Variants in EGFR observed in about 807,000 individuals in gnomAD.
The protein encoded by EGFR is epidermal growth factor receptor.
EGFR carries 58 observed loss-of-function variants against 143.0 expected under a neutral mutation model. That is an observed-to-expected ratio of 0.41 (90% confidence interval 0.33 to 0.50). EGFR has a LOEUF of 0.50. EGFR is among the 20% of genes least tolerant of loss of function. EGFR has a pLI of 0.39. For missense variants in EGFR, 1,307 were observed against 1,579.0 expected (o/e 0.83, Z 2.92); for synonymous variants, 613 against 594.4 (o/e 1.03, Z -0.45).
Position 55,019,216 on chromosome 7 carries a change from G to T in EGFR, c.-62G>T. On this transcript the variant is annotated 5_prime_UTR_variant, in exon 1 of 28. Transcript: ENST00000275493. Reference sequence around the variant, plus strand: ...CGCCAACGCCACAACCACCGCGCACGGCCCCCTGACTCCGTCCAGTATTGA... The same window carrying T: ...CGCCAACGCCACAACCACCGCGCACTGCCCCCTGACTCCGTCCAGTATTGA... The T allele has an allele frequency of 2.3e-6, 3 of 1,316,476 alleles. No individual in the cohort carries two copies. Among genetic ancestry groups the T allele is most frequent in the South Asian group, 2.7e-5 (2 of 73,170 alleles). 81.5% of individuals were successfully genotyped at this position (1,316,476 alleles called of 1,614,324 possible).
intron 1 of EGFR, among the ~76,000 whole-genome samples, chr7:55,077,818 C>T (rs1175509353): frequency 6.6e-6 from 1 of 152,116 alleles, no homozygotes; most frequent in African/African-American, 2.4e-5. Context: ...GAGGTAGTTT[C>T]CAGATGCAGG....
intron 15 of EGFR, among the ~76,000 whole-genome samples, chr7:55,169,103 CTT>C (rs1199458858): frequency 6.8e-6 from 1 of 146,966 alleles, no homozygotes; most frequent in Non-Finnish European, 1.5e-5. Flanking sequence ...ATAGCTATTT[CTT>C]TTTTTTTTTT....
At chr7:55,080,317 C>T (rs987480331) in intron 1 of EGFR, among the ~76,000 whole-genome samples, 12 of 151,028 alleles carry the variant, frequency 7.9e-5, no homozygotes, top group African/African-American at 2.4e-4. Flanking sequence ...TTTTTAGTAA[C>T]TGCCAGTCAC....
At chr7:55,075,659 C>A (rs1236557355) in intron 1 of EGFR, among the ~76,000 whole-genome samples, 1 of 152,150 alleles carries the variant, frequency 6.6e-6, no homozygotes, top group African/African-American at 2.4e-5. Context: ...GCAGCAGAAC[C>A]TACCACCGTA....
At chr7:55,112,153 T>C (rs978181517) in intron 1 of EGFR, among the ~76,000 whole-genome samples, 2 of 152,214 alleles carry the variant, frequency 1.3e-5, no homozygotes, top group African/African-American at 4.8e-5. Flanking sequence ...TGCAAACCGA[T>C]ACCCAGCTTA....
At chr7:55,129,417 G>C (rs370047647) in intron 1 of EGFR, among the ~76,000 whole-genome samples, 2 of 152,298 alleles carry the variant, frequency 1.3e-5, no homozygotes, top group East Asian at 3.9e-4. Flanking sequence ...AATTATCAAG[G>C]GACTGGTTTC....
chr7:55,040,813 A>G (rs1321764271), intron 1 of EGFR, among the ~76,000 whole-genome samples: 1 of 152,250 alleles, frequency 6.6e-6, no homozygotes, highest in Non-Finnish European at 1.5e-5. Context: ...TAACTAGGTA[A>G]GAGGTCATTG....
intron 7 of EGFR, 88 bp downstream of exon 7, chr7:55,154,240 A>C: frequency 2.5e-6 from 4 of 1,597,048 alleles, no homozygotes; most frequent in Non-Finnish European, 3.4e-6. Context: ...CCCATCTTGG[A>C]GAGTCTTTGG....
chr7:55,181,340 G>A lies in EGFR; in HGVS notation c.2331G>A (p.Leu777=), dbSNP rs1210093278. 6.2e-7 allele frequency: 1 copy of A among 1,614,204 alleles called. No individual in the cohort carries two copies. The highest frequency in any genetic ancestry group is 8.5e-7 in the Non-Finnish European group (1 of 1,180,048). Residue 777 remains leucine, a synonymous_variant, in exon 20 of 28, where the codon CTG becomes CTA. Transcript: ENST00000275493. ...TGGACAACCCCCACGTGTGCCGCCTGCTGGGCATCTGCCTCACCTCCACCG... is the reference window on the plus strand; with the variant it reads ...TGGACAACCCCCACGTGTGCCGCCTACTGGGCATCTGCCTCACCTCCACCG... ...ASVDNPHVCR[L]LGICLTSTVQ... is the part of the protein sequence containing the mutation.
At chr7:55,192,944 C>G in intron 22 of EGFR, 103 bp downstream of exon 22, 1 of 1,027,384 alleles carries the variant, frequency 9.7e-7, no homozygotes, top group Non-Finnish European at 1.5e-6. Flanking sequence ...TATTTTCTTT[C>G]GAGATAATGA....
chr7:55,053,776 A>C (rs1788627949), intron 1 of EGFR, among the ~76,000 whole-genome samples: 2 of 152,212 alleles, frequency 1.3e-5, no homozygotes, highest in Admixed American at 6.5e-5. Context: ...TCAGCAGGGC[A>C]GGGTGTTTCC....
At chr7:55,084,225 C>T (rs969006944) in intron 1 of EGFR, among the ~76,000 whole-genome samples, 2 of 152,208 alleles carry the variant, frequency 1.3e-5, no homozygotes, top group Non-Finnish European at 2.9e-5. Context: ...ATGTTTTCAT[C>T]TGGAGCTCCA....
At position 55,156,752 on chromosome 7, in the gene EGFR, G is replaced by A. The variant is rs767293022; in HGVS notation, c.1134-7G>A. The A allele has an allele frequency of 1.2e-6, 2 of 1,614,150 alleles. No individual in the cohort carries two copies. The highest frequency in any genetic ancestry group is 1.7e-6 in the Non-Finnish European group (2 of 1,180,018). ...GTGATCAATAATCACCCTGTTGTTTGTTTCAGTGACTCCTTCACACATACT... is the reference window on the plus strand; with the variant it reads ...GTGATCAATAATCACCCTGTTGTTTATTTCAGTGACTCCTTCACACATACT... On this transcript the variant is annotated splice_polypyrimidine_tract_variant and splice_region_variant and intron_variant, in intron 9 of 27. Transcript: ENST00000275493.
intron 1 of EGFR, chr7:55,109,727 T>C: frequency 2.0e-6 from 2 of 985,432 alleles, no homozygotes; most frequent in Non-Finnish European, 2.4e-6. Flanking sequence ...AATTCTATCA[T>C]TCCTTTGGGC....
intron 1 of EGFR, among the ~76,000 whole-genome samples, chr7:55,097,166 C>T (rs192112698): frequency 1.8e-4 from 27 of 152,312 alleles, no homozygotes; most frequent in Middle Eastern, 3.4e-3. Context: ...CCCAGTTCCA[C>T]GGCCCAGGAA....
At chr7:55,195,801 T>C (rs1478540776) in intron 22 of EGFR, among the ~76,000 whole-genome samples, 1 of 152,188 alleles carries the variant, frequency 6.6e-6, no homozygotes. Context: ...ATTAGTTTGC[T>C]AGGGATGATG....
chr7:55,032,445 A>G (rs1243546528), intron 1 of EGFR, among the ~76,000 whole-genome samples: 2 of 152,210 alleles, frequency 1.3e-5, no homozygotes, highest in Non-Finnish European at 2.9e-5. Context: ...TTCACTCTCT[A>G]TGTAGAACGG....
In EGFR at chr7:55,154,544, T is replaced by C. The variant is rs17289879; in HGVS notation, c.889+392T>C. ...GTGCTTGTGCCAAGCAGGTATTTAA[T>C]ACACCGAAATCAGAGAGTCTATCAG... On this transcript the variant is annotated intron_variant, in intron 7 of 27. Coordinates refer to ENST00000275493, the MANE Select transcript of EGFR (RefSeq NM_005228.5). 4.1e-4 allele frequency among the ~76,000 whole-genome samples: 62 copies of C among 152,390 alleles called. 1 individual carries two copies. In the Middle Eastern group the frequency reaches 0.017, roughly 42 times the overall value.
At chr7:55,201,905 G>C in intron 26 of EGFR, 123 bp downstream of exon 26, 1 of 1,216,640 alleles carries the variant, frequency 8.2e-7, no homozygotes, top group Non-Finnish European at 1.2e-6. Context: ...TCCTGTGTGG[G>C]TTTTTCCCTG....
Sources: gnomAD v4.1 joint callset for allele counts (sites outside exome capture counted in the v4.1 genomes callset) on GRCh38, gnomAD v4.1.1 for gene constraint, MANE v1.5 for transcripts, NCBI Gene and HGNC (gene_info 2026-07-23, HGNC 2026-07-21) for gene names.